ERICH3: variants seen among roughly 807,000 people sequenced by gnomAD.
The protein encoded by ERICH3 is glutamate-rich protein 3.
ERICH3 carries 126 observed loss-of-function variants against 131.1 expected under a neutral mutation model. That is an observed-to-expected ratio of 0.96 (90% CI 0.83 to 1.11). The LOEUF (loss-of-function observed/expected upper bound fraction) is 1.11, where lower values mean the gene tolerates loss of function less well. Ranked by LOEUF, ERICH3 falls within the 50% of genes most tolerant of loss-of-function variation. The probability of loss-of-function intolerance (pLI) is 0.00; values close to 1 mark genes in which losing one functional copy is unlikely to be tolerated. For synonymous variants in ERICH3, 695 were observed against 644.6 expected (o/e 1.08, Z -1.18); for missense variants, 2,050 against 1,810.7 (o/e 1.13, Z -2.40).
chr1:74,650,871 T>C (rs913214779), intron 1 of ERICH3, among the ~76,000 whole-genome samples: 1 of 150,282 alleles, frequency 6.7e-6, no homozygotes, highest in Non-Finnish European at 1.5e-5. Context: ...TGTGTGTGTA[T>C]ACTTATATAC....
intron 12 of ERICH3, among the ~76,000 whole-genome samples, chr1:74,580,790 T>C (rs143737670): frequency 4.3e-4 from 65 of 152,278 alleles, no homozygotes; most frequent in African/African-American, 1.4e-3. Flanking sequence ...TATTTTAGAT[T>C]CAGGGGGTAC....
At chr1:74,611,535 C>T (rs1420064806) in intron 9 of ERICH3, among the ~76,000 whole-genome samples, 7 of 152,094 alleles carry the variant, frequency 4.6e-5, no homozygotes, top group Non-Finnish European at 8.8e-5. Context: ...AGCTTCCCAT[C>T]CTTCTCAGAT....
intron 11 of ERICH3, among the ~76,000 whole-genome samples, chr1:74,593,906 A>G (rs1647722235): frequency 6.6e-6 from 1 of 152,128 alleles, no homozygotes; most frequent in Non-Finnish European, 1.5e-5. Context: ...TTCAGACAGG[A>G]AGTACCCACA....
At chr1:74,643,516 T>C (rs1461623398) in intron 3 of ERICH3, among the ~76,000 whole-genome samples, 2 of 152,130 alleles carry the variant, frequency 1.3e-5, no homozygotes, top group Admixed American at 6.6e-5. Context: ...AAAATATAAT[T>C]GATCATTTAA....
At chr1:74,659,889 G>A (rs1274908564) in intron 1 of ERICH3, among the ~76,000 whole-genome samples, 1 of 152,052 alleles carries the variant, frequency 6.6e-6, no homozygotes, top group Non-Finnish European at 1.5e-5. Context: ...TAAGAAGCAG[G>A]GAAATCATAC....
At chr1:74,575,504 G>C (rs17095629) in intron 13 of ERICH3, among the ~76,000 whole-genome samples, 13,691 of 152,054 alleles carry the variant, frequency 0.09, 721 homozygotes, top group East Asian at 0.21. Flanking sequence ...GAGAGAATAT[G>C]GTCCATTTTA....
chr1:74,588,446 G>C (rs972761392), intron 12 of ERICH3, among the ~76,000 whole-genome samples: 6 of 152,086 alleles, frequency 3.9e-5, no homozygotes, highest in African/African-American at 1.4e-4. Flanking sequence ...ATTGGTTGAA[G>C]TAATAGATAA....
rs779310921 is a variant in ERICH3 at position 74,573,031 on chromosome 1, A to G, written c.2679T>C (p.Ser893=). The change falls in exon 14 of 15, where the codon TCT becomes TCC. Residue 893 remains serine, a synonymous_variant. Transcript: ENST00000326665. ...LTVLETDKAA[S]EGEQGLEKAV... ...CCTTCTCTAAACCCTGTTCCCCTTC[A>G]GAAGCTGCTTTGTCTGTCTCAAGCA... 37 of 1,614,024 alleles carry G rather than the reference A, an allele frequency of 2.3e-5. No homozygotes were observed. Among genetic ancestry groups the G allele is most frequent in the Non-Finnish European group, 2.5e-5 (30 of 1,180,024 alleles).
Position 74,571,370 on chromosome 1 carries a change from T to C in ERICH3, c.4340A>G (p.Glu1447Gly). 2 of 1,613,934 alleles carry C rather than the reference T, an allele frequency of 1.2e-6. No individual in the cohort carries two copies. The highest frequency in any genetic ancestry group is 1.7e-6 in the Non-Finnish European group (2 of 1,179,986). ...LERKTSGLGQ[E>G]QEEGSEGQEA... is the part of the protein sequence containing the mutation. ...CTGGCCCTCTGACCCTTCCTCTTGCTCCTGTCCTAGCCCTGAGGTCTTCCG... is the reference window on the plus strand; with the variant it reads ...CTGGCCCTCTGACCCTTCCTCTTGCCCCTGTCCTAGCCCTGAGGTCTTCCG... The change falls in exon 14 of 15, where the codon GAG becomes GGG. Residue 1447 changes from glutamate (E) to glycine (G), a missense_variant. Transcript: ENST00000326665.
At chr1:74,609,843 AGGTT>A (rs1648599039) in intron 9 of ERICH3, among the ~76,000 whole-genome samples, 1 of 152,026 alleles carries the variant, frequency 6.6e-6, no homozygotes, top group African/African-American at 2.4e-5. Context: ...TTATTTGAAA[AGGTT>A]GAAGAAAGAA....
At position 74,636,278 on chromosome 1, in the gene ERICH3, A is replaced by G; in HGVS notation, c.603+2T>C. 6.3e-7 allele frequency: 1 copy of G among 1,592,668 alleles called. No individual in the cohort carries two copies. The highest frequency in any genetic ancestry group is 8.5e-7 in the Non-Finnish European group (1 of 1,170,760). On this transcript the variant is annotated splice_donor_variant, in intron 6 of 14. Coordinates refer to ENST00000326665, the MANE Select transcript of ERICH3 (RefSeq NM_001002912.5). LOFTEE classifies it high-confidence loss of function. ...ATATTTATTGATAAAAATAACATTT[A>G]CCCCAATGGGAAACAGAGCTTCATT...
chr1:74,575,484 C>G (rs1335018424), intron 13 of ERICH3, among the ~76,000 whole-genome samples: 5 of 152,116 alleles, frequency 3.3e-5, no homozygotes, highest in Non-Finnish European at 2.9e-5. Context: ...AACATATAGC[C>G]AATTCACCTG....
chr1:74,589,386 G>C (rs1647478309), intron 12 of ERICH3: 1 of 550,346 alleles, frequency 1.8e-6, no homozygotes, highest in Admixed American at 3.3e-5. Context: ...CCATAGGAGG[G>C]AATTTACCGA....
Position 74,568,343 on chromosome 1 carries a change from C to T in ERICH3, c.*2115G>A, listed in dbSNP as rs1043349151. The T allele has an allele frequency of 2.0e-5, 3 of 152,064 alleles. No homozygotes were observed. Among genetic ancestry groups the T allele is most frequent in the Non-Finnish European group, 4.4e-5 (3 of 67,970 alleles). 9.4% of individuals were successfully genotyped at this position (152,064 alleles called of 1,614,324 possible). A position where few individuals can be genotyped will look rare whatever the true frequency, so the allele number is the denominator to read the frequency against. The stretch of plus-strand genomic sequence containing the variant: ...AATATAAAAGTAATCCAATGCAATA[C>T]TATTTAGCACATTGTACAAAACTAA... On this transcript the variant is annotated 3_prime_UTR_variant, in exon 15 of 15. Transcript: ENST00000326665.
At chr1:74,590,966 C>CT (rs1302350528) in intron 11 of ERICH3, among the ~76,000 whole-genome samples, 2 of 151,960 alleles carry the variant, frequency 1.3e-5, no homozygotes, top group Admixed American at 6.6e-5. Context: ...TCAACAAAAG[C>CT]TTTTTTTAAA....
At chr1:74,581,351 C>A (rs967887555) in intron 12 of ERICH3, among the ~76,000 whole-genome samples, 17 of 152,034 alleles carry the variant, frequency 1.1e-4, no homozygotes, top group Non-Finnish European at 1.9e-4. Context: ...ATGAGTATTT[C>A]TCCATTGCGG....
At position 74,659,804 on chromosome 1, in the gene ERICH3, C is replaced by A. The variant is rs533785832; in HGVS notation, c.24-10489G>T. Among the ~76,000 whole-genome samples, 8 of 152,244 alleles carry A rather than the reference C, an allele frequency of 5.3e-5. No homozygotes were observed. The East Asian group carries it at 1.4e-3, about 26-fold the overall frequency. On this transcript the variant is annotated intron_variant, in intron 1 of 14. Transcript: ENST00000326665. ...GAAATCTGAACTGGGTCCTAAATGACAAGTCAAGTGTTGAGGGAAGAAGTA... is the reference window on the plus strand; with the variant it reads ...GAAATCTGAACTGGGTCCTAAATGAAAAGTCAAGTGTTGAGGGAAGAAGTA...
chr1:74,674,093 A>G (rs1646766275), upstream of ERICH3, among the ~76,000 whole-genome samples: 3 of 152,308 alleles, frequency 2.0e-5, no homozygotes, highest in Middle Eastern at 6.8e-3. Flanking sequence ...CAGCGATTGC[A>G]AATTTGAGGG....
At chr1:74,586,069 C>T (rs777753869) in intron 12 of ERICH3, among the ~76,000 whole-genome samples, 2 of 151,900 alleles carry the variant, frequency 1.3e-5, no homozygotes, top group Non-Finnish European at 2.9e-5. Flanking sequence ...CTTTCACAAC[C>T]CTCAAATTTT....
Sources: allele counts gnomAD v4.1 joint callset (sites outside exome capture counted in the v4.1 genomes callset), GRCh38; gene constraint gnomAD v4.1.1; transcripts MANE v1.5; gene names NCBI Gene and HGNC (gene_info 2026-07-23, HGNC 2026-07-21).